The following TNIK variants were observed in gnomAD, a reference collection of about 807,000 sequenced individuals.
The protein encoded by TNIK is TRAF2 and NCK interacting kinase.
A neutral mutation model predicts 191.3 loss-of-function variants in TNIK; 49 were observed. The ratio of observed to expected loss-of-function variants is 0.26; its 90% CI spans 0.20 to 0.32. TNIK has a LOEUF of 0.32. TNIK is among the 10% of genes least tolerant of loss of function. TNIK has a pLI of 1.00. For missense variants in TNIK, 1,155 were observed against 1,702.3 expected, an observed-to-expected ratio of 0.68 and a Z score of 5.66; for synonymous variants, 594 against 600.9, an observed-to-expected ratio of 0.99 and a Z score of 0.17.
chr3:171,167,481 A>C (rs1734751834), intron 9 of TNIK, among the ~76,000 whole-genome samples: 1 of 152,226 alleles, frequency 6.6e-6, no homozygotes, highest in South Asian at 2.1e-4. Context: ...GAGGTAGCAG[A>C]AGGTAGTTAT....
In TNIK at chr3:171,299,772, A is replaced by G. The variant is rs948532470; in HGVS notation, c.123+69848T>C. On this transcript the variant is annotated intron_variant, in intron 2 of 32. Coordinates refer to ENST00000436636, the MANE Select transcript of TNIK (RefSeq NM_015028.4). ...AGGAGGCTCCAACAATCCAGGCCCT[A>G]TTGAAGATATTTGGTAGCACCTCTT... Among the ~76,000 whole-genome samples the G allele has an allele frequency of 4.5e-4, 69 of 152,196 alleles. 1 individual carries two copies. Among genetic ancestry groups the G allele is most frequent in the Admixed American group, 4.5e-3 (68 of 15,276 alleles).
chr3:171,139,018 G>A (rs1016174869), intron 14 of TNIK, among the ~76,000 whole-genome samples: 1 of 152,156 alleles, frequency 6.6e-6, no homozygotes, highest in Non-Finnish European at 1.5e-5. Flanking sequence ...TGTTCCCATC[G>A]TAAGGGTAAA....
At chr3:171,086,434 G>A (rs183313497) in intron 24 of TNIK, among the ~76,000 whole-genome samples, 1 of 152,120 alleles carries the variant, frequency 6.6e-6, no homozygotes, top group Non-Finnish European at 1.5e-5. Flanking sequence ...TTTGAACCAG[G>A]GTTCAATCTT....
At chr3:171,203,515 A>G (rs988205229) in intron 4 of TNIK, among the ~76,000 whole-genome samples, 18 of 152,214 alleles carry the variant, frequency 1.2e-4, no homozygotes, top group African/African-American at 3.6e-4. Context: ...TTCAGGCCCA[A>G]TATTTCTAGA....
At chr3:171,403,902 T>C (rs1394312471) in intron 1 of TNIK, among the ~76,000 whole-genome samples, 1 of 152,242 alleles carries the variant, frequency 6.6e-6, no homozygotes, top group Non-Finnish European at 1.5e-5. Flanking sequence ...ACTTGTTCTT[T>C]TGACAGCATC....
Position 171,312,143 on chromosome 3 carries a change from G to GAAA in TNIK, c.123+57476_123+57477insTTT, listed in dbSNP as rs1754105230. Among the ~76,000 whole-genome samples, 24 of 30,948 alleles carry GAAA rather than the reference G, an allele frequency of 7.8e-4. 7 individuals carry two copies. The highest frequency in any genetic ancestry group is 1.2e-3 in the African/African-American group (8 of 6,584). 20.3% of individuals were successfully genotyped at this position (30,948 alleles called of 152,430 possible). A position where few individuals can be genotyped will look rare whatever the true frequency, so the allele number is the denominator to read the frequency against. On this transcript the variant is annotated intron_variant, in intron 2 of 32. Transcript: ENST00000436636. ...AAAAAAAAAAAAAAAAAAAAAAAAG[G>GAAA]GCTAGACTGGCATATCTGATTTTAA...
intron 1 of TNIK, among the ~76,000 whole-genome samples, chr3:171,404,683 A>G (rs1721433131): frequency 6.6e-6 from 1 of 152,134 alleles, no homozygotes; most frequent in South Asian, 2.1e-4. Flanking sequence ...TACTTCTCTT[A>G]AGAGTCATGT....
chr3:171,206,333 G>GTGTATATATATATATATATA lies in TNIK; in HGVS notation c.306+4763_306+4782dup, dbSNP rs1553855816. Among the ~76,000 whole-genome samples, 10 of 81,730 alleles carry GTGTATATATATATATATATA rather than the reference G, an allele frequency of 1.2e-4. No individual in the cohort carries two copies. The East Asian group carries it at 5.2e-3, about 43-fold the overall frequency. The allele number at this position is 81,730 out of a possible 152,430, so 53.6% of individuals were successfully genotyped here. A position where few individuals can be genotyped will look rare whatever the true frequency, so the allele number is the denominator to read the frequency against. ...TGAATATATGGAGATATATATGTTC[G>GTGTATATATATATATATATA]TGTATATATATATATATATATGGAA... On this transcript the variant is annotated intron_variant, in intron 4 of 32. Transcript: ENST00000436636.
intron 10 of TNIK, 75 bp downstream of exon 10, chr3:171,167,020 C>T: frequency 6.6e-7 from 1 of 1,517,980 alleles, no homozygotes; most frequent in Non-Finnish European, 8.9e-7. Context: ...CCCATAGTCA[C>T]CTCCAAATAC....
chr3:171,240,584 C>CAG (rs1205729081), intron 2 of TNIK, among the ~76,000 whole-genome samples: 1 of 152,134 alleles, frequency 6.6e-6, no homozygotes, highest in African/African-American at 2.4e-5. Context: ...GCCCACATTG[C>CAG]AGGTCTAGTT....
At chr3:171,379,159 A>C (rs1451550660) in intron 1 of TNIK, among the ~76,000 whole-genome samples, 1 of 152,262 alleles carries the variant, frequency 6.6e-6, no homozygotes, top group African/African-American at 2.4e-5. Flanking sequence ...TCAGCATAAA[A>C]GATAAATAAT....
At chr3:171,195,624 G>C (rs543560283) in intron 4 of TNIK, among the ~76,000 whole-genome samples, 1 of 152,148 alleles carries the variant, frequency 6.6e-6, no homozygotes, top group African/African-American at 2.4e-5. Flanking sequence ...TCTTCAGGCA[G>C]AAATTATATT....
At chr3:171,148,419 G>A (rs541083193) in intron 12 of TNIK, among the ~76,000 whole-genome samples, 2 of 152,254 alleles carry the variant, frequency 1.3e-5, no homozygotes, top group East Asian at 3.9e-4. Flanking sequence ...ACAGTCACAC[G>A]GGATTTCCCA....
chr3:171,125,955 T>C lies in TNIK; in HGVS notation c.1970A>G (p.Asp657Gly). ...PPLPTRIEKF[D>G]RSSWLRQEED... is the part of the protein sequence containing the mutation. ...TTCCTGTCGTAACCAAGAGCTTCGG[T>C]CAAACTTTTCAATGCGAGTGGGGAG... Residue 657 changes from aspartate to glycine, a missense_variant, in exon 17 of 33, where the codon GAC becomes GGC. Physicochemically the swap from Asp to Gly is moderately conservative, Grantham distance 94 (BLOSUM62 -1). Coordinates refer to ENST00000436636, the MANE Select transcript of TNIK (RefSeq NM_015028.4). The C allele has an allele frequency of 1.2e-6, 2 of 1,613,898 alleles. No homozygotes were observed. Among genetic ancestry groups the C allele is most frequent in the Non-Finnish European group, 1.7e-6 (2 of 1,179,870 alleles).
intron 10 of TNIK, among the ~76,000 whole-genome samples, chr3:171,163,897 G>GA (rs1378338467): frequency 1.3e-5 from 2 of 152,086 alleles, no homozygotes; most frequent in Non-Finnish European, 2.9e-5. Context: ...ATATCAGGTT[G>GA]AAAAAAATCA....
chr3:171,108,770 C>T (rs2108495488), intron 19 of TNIK, among the ~76,000 whole-genome samples: 1 of 152,024 alleles, frequency 6.6e-6, no homozygotes, highest in African/African-American at 2.4e-5. Flanking sequence ...TGGTCTCAGC[C>T]CTTTAAAAAT....
At chr3:171,322,835 TTTTC>T (rs1341740054) in intron 2 of TNIK, among the ~76,000 whole-genome samples, 4 of 98,126 alleles carry the variant, frequency 4.1e-5, no homozygotes, top group Non-Finnish European at 7.8e-5. Context: ...TGTTGTTTTC[TTTTC>T]TTTTTTTTTT....
At chr3:171,365,675 G>A (rs1395538605) in intron 2 of TNIK, among the ~76,000 whole-genome samples, 1 of 152,170 alleles carries the variant, frequency 6.6e-6, no homozygotes, top group African/African-American at 2.4e-5. Flanking sequence ...GGTCATGAAG[G>A]ATGGGCTGAA....
chr3:171,460,180 G>T lies in TNIK; in HGVS notation c.-117C>A. The T allele has an allele frequency of 7.5e-7, 1 of 1,330,870 alleles. No individual in the cohort carries two copies. Among genetic ancestry groups the T allele is most frequent in the Non-Finnish European group, 1.0e-6 (1 of 963,368 alleles). The allele number at this position is 1,330,870 out of a possible 1,614,324, so 82.4% of individuals were successfully genotyped here. ...GCGGGTGTCGCGCCAGAGGCCCCGGGCCCAGCCTCCCCCGCCCACCCCAGC... is the reference window on the plus strand; with the variant it reads ...GCGGGTGTCGCGCCAGAGGCCCCGGTCCCAGCCTCCCCCGCCCACCCCAGC... On this transcript the variant is annotated 5_prime_UTR_variant, in exon 1 of 33. Coordinates refer to ENST00000436636, the MANE Select transcript of TNIK (RefSeq NM_015028.4). This position sits in a 1 kb window ranked among gnomAD's most constrained non-coding sequence, Gnocchi z 6.8.
Sources: gnomAD v4.1 joint callset for allele counts (sites outside exome capture counted in the v4.1 genomes callset) on GRCh38, gnomAD v4.1.1 for gene constraint, Gnocchi (gnomAD v3.1) non-coding constraint, MANE v1.5 for transcripts, NCBI Gene and HGNC (gene_info 2026-07-23, HGNC 2026-07-21) for gene names.